The following DLG2 variants were observed in gnomAD, a reference collection of about 807,000 sequenced individuals.
The protein encoded by DLG2 is discs large MAGUK scaffold protein 2.
In DLG2, 45 loss-of-function variants were observed where a neutral mutation model predicts 132.5. The observed-to-expected ratio is 0.34, with a 90% CI of 0.27 to 0.44. The LOEUF is 0.44. Among genes scored for constraint, DLG2 ranks in the 20% least tolerant of loss-of-function variants. The pLI, the probability that DLG2 is intolerant of heterozygous loss-of-function variation, is 1.00. For missense variants in DLG2, 1,045 were observed against 1,196.9 expected (o/e 0.87, Z 1.87); for synonymous variants, 424 against 419.6 (o/e 1.01, Z -0.13).
At chr11:83,682,513 C>A (rs971073869) in intron 18 of DLG2, 4 of 903,694 alleles carry the variant, frequency 4.4e-6, no homozygotes, top group Non-Finnish European at 5.3e-6. Flanking sequence ...AGTAGTGTAC[C>A]CCCATCCTCT....
intron 19 of DLG2, among the ~76,000 whole-genome samples, chr11:83,556,020 G>A (rs774344859): frequency 6.6e-5 from 10 of 152,126 alleles, no homozygotes; most frequent in Non-Finnish European, 1.5e-4. Context: ...CTAATTACAG[G>A]AACTCTGCAG....
intron 18 of DLG2, among the ~76,000 whole-genome samples, chr11:83,779,505 T>C (rs774472126): frequency 6.6e-6 from 1 of 152,168 alleles, no homozygotes; most frequent in Admixed American, 6.5e-5. Context: ...GACCCCTTTA[T>C]GTCCATTTGA....
rs10571202 is a variant in DLG2, at chr11:85,027,173, CTTTTTTTTTT to C, written c.357+84478_357+84487del. ...TAAAGCAGCATATACAGTGTGGTCTCTTTTTTTTTTTTTTTTTTTTTTTTTTTTTGCTGAA... is the reference window on the plus strand; with the variant it reads ...TAAAGCAGCATATACAGTGTGGTCTCTTTTTTTTTTTTTTTTTTTGCTGAA... On this transcript the variant is annotated intron_variant, in intron 6 of 27. Coordinates refer to ENST00000376104, the MANE Select transcript of DLG2 (RefSeq NM_001142699.3). Among the ~76,000 whole-genome samples the C allele has an allele frequency of 7.2e-5, 5 of 69,366 alleles. 1 individual carries two copies. In the East Asian group the frequency reaches 1.6e-3, roughly 23 times the overall value. The allele number at this position is 69,366 out of a possible 152,430, so 45.5% of individuals were successfully genotyped here.
intron 4 of DLG2, among the ~76,000 whole-genome samples, chr11:85,194,426 G>T (rs1449766335): frequency 6.6e-6 from 1 of 152,038 alleles, no homozygotes; most frequent in East Asian, 1.9e-4. Context: ...GTCCCTCTTT[G>T]TAGGGGGAGA....
chr11:84,650,875 A>G (rs200768526), intron 6 of DLG2, among the ~76,000 whole-genome samples: 820 of 62,242 alleles, frequency 0.013, no homozygotes, highest in South Asian at 0.036. Context: ...GTGTGTGTGT[A>G]TATATATATA....
chr11:84,406,355 G>A (rs2098849563), intron 7 of DLG2, among the ~76,000 whole-genome samples: 1 of 152,220 alleles, frequency 6.6e-6, no homozygotes, highest in East Asian at 1.9e-4. Context: ...GTCTCCTTCT[G>A]TTGGCCAGGC....
At chr11:85,172,986 C>G (rs987085333) in intron 4 of DLG2, among the ~76,000 whole-genome samples, 23 of 152,120 alleles carry the variant, frequency 1.5e-4, no homozygotes, top group African/African-American at 5.6e-4. Flanking sequence ...GTGACCAAAC[C>G]TATGAATGAT....
intron 6 of DLG2, among the ~76,000 whole-genome samples, chr11:84,594,655 T>A (rs374360302): frequency 1.3e-5 from 2 of 152,132 alleles, no homozygotes; most frequent in East Asian, 3.8e-4. Flanking sequence ...TTAAATGGCA[T>A]GCAAAACAAA....
At chr11:84,403,849 G>A (rs907854495) in intron 7 of DLG2, among the ~76,000 whole-genome samples, 7 of 152,084 alleles carry the variant, frequency 4.6e-5, no homozygotes, top group African/African-American at 1.7e-4. Context: ...AAATAACCTT[G>A]ATAACTCACA....
At chr11:84,809,115 T>C (rs2076293670) in intron 6 of DLG2, among the ~76,000 whole-genome samples, 1 of 151,998 alleles carries the variant, frequency 6.6e-6, no homozygotes, top group African/African-American at 2.4e-5. Context: ...CATCCAAGCA[T>C]GCAAGACTGC....
At chr11:83,921,985 C>A (rs564546203) in intron 15 of DLG2, among the ~76,000 whole-genome samples, 2 of 152,002 alleles carry the variant, frequency 1.3e-5, no homozygotes, top group Admixed American at 1.3e-4. Context: ...GGTATTTGAC[C>A]CTCATGAAGC....
chr11:83,801,729 T>C (rs551240623), intron 17 of DLG2, among the ~76,000 whole-genome samples: 3 of 152,306 alleles, frequency 2.0e-5, no homozygotes, highest in African/African-American at 7.2e-5. Context: ...TCTTACAGAA[T>C]TTAGGCCCAC....
At chr11:84,303,179 G>A (rs535511807) in intron 7 of DLG2, among the ~76,000 whole-genome samples, 1 of 152,222 alleles carries the variant, frequency 6.6e-6, no homozygotes, top group Admixed American at 6.5e-5. Flanking sequence ...AATTAAGTAT[G>A]ATAACAGGTA....
chr11:84,748,074 A>C (rs141970047), intron 6 of DLG2, among the ~76,000 whole-genome samples: 1 of 152,284 alleles, frequency 6.6e-6, no homozygotes, highest in African/African-American at 2.4e-5. Context: ...TCTTGAGTAG[A>C]ATCAAAGACA....
At chr11:83,819,249 C>T (rs2050000463) in intron 17 of DLG2, among the ~76,000 whole-genome samples, 1 of 151,870 alleles carries the variant, frequency 6.6e-6, no homozygotes, top group East Asian at 1.9e-4. Context: ...GCAGGTGGAT[C>T]ACCTGAGGTC....
intron 6 of DLG2, among the ~76,000 whole-genome samples, chr11:85,076,890 C>T (rs1480745024): frequency 1.3e-5 from 2 of 152,046 alleles, no homozygotes; most frequent in African/African-American, 4.8e-5. Flanking sequence ...GCATTTAGCA[C>T]TGAAGACACA....
chr11:83,732,037 C>G (rs2091110013), intron 18 of DLG2, among the ~76,000 whole-genome samples: 1 of 151,946 alleles, frequency 6.6e-6, no homozygotes, highest in South Asian at 2.1e-4. Context: ...ATTATTATTA[C>G]TAATAATTTG....
intron 3 of DLG2, among the ~76,000 whole-genome samples, chr11:85,564,901 T>C (rs1056228530): frequency 6.6e-6 from 1 of 152,072 alleles, no homozygotes; most frequent in Admixed American, 6.6e-5. Context: ...TTTATTCAGG[T>C]CTTATTTAAT....
At chr11:84,367,614 A>G (rs1052520112) in intron 7 of DLG2, among the ~76,000 whole-genome samples, 1 of 152,088 alleles carries the variant, frequency 6.6e-6, no homozygotes, top group African/African-American at 2.4e-5. Flanking sequence ...TGGGTTAGTG[A>G]AGTAATGGGT....
Sources: allele counts gnomAD v4.1 joint callset (sites outside exome capture counted in the v4.1 genomes callset), GRCh38; gene constraint gnomAD v4.1.1; transcripts MANE v1.5; gene names NCBI Gene and HGNC (gene_info 2026-07-23, HGNC 2026-07-21).